The following SEPTIN14 variants were observed in gnomAD, a reference collection of about 807,000 sequenced individuals.
SEPTIN14 encodes septin 14.
Under a neutral mutation model 53.6 loss-of-function variants are expected in SEPTIN14, and 40 were observed. The observed-to-expected ratio is 0.75, with a 90% CI of 0.58 to 0.97. SEPTIN14 has a LOEUF of 0.97. Ranked by LOEUF, SEPTIN14 falls within the 50% of genes least tolerant of loss-of-function variation. The pLI, the probability that SEPTIN14 is intolerant of heterozygous loss-of-function variation, is 0.00. For synonymous variants in SEPTIN14, 138 were observed against 166.8 expected (o/e 0.83, Z 1.33); for missense variants, 471 against 508.2 (o/e 0.93, Z 0.70).
chr7:55,815,594 AG>A (rs34620642), intron 7 of SEPTIN14, among the ~76,000 whole-genome samples: 11,321 of 152,230 alleles, frequency 0.074, 996 homozygotes, highest in African/African-American at 0.21. Context: ...GCAAATGAAA[AG>A]GTGCTCAATA....
intron 7 of SEPTIN14, chr7:55,811,445 A>G: frequency 2.8e-6 from 1 of 351,334 alleles, no homozygotes; most frequent in South Asian, 2.6e-5. Context: ...AGCGATGGAG[A>G]TGGGGAAGGA....
intron 5 of SEPTIN14, 50 bp from the exon 6 acceptor site, chr7:55,834,636 T>A (rs757045322): frequency 9.6e-6 from 13 of 1,356,414 alleles, no homozygotes; most frequent in African/African-American, 1.5e-5. Context: ...ATCTCACAGT[T>A]TTTTTGTTTT....
At chr7:55,815,980 A>C (rs1788783803) in intron 7 of SEPTIN14, among the ~76,000 whole-genome samples, 1 of 152,208 alleles carries the variant, frequency 6.6e-6, no homozygotes, top group African/African-American at 2.4e-5. Context: ...GAATAAAGTA[A>C]ATGTGGTACA....
At chr7:55,818,365 G>A (rs1009613395) in intron 7 of SEPTIN14, among the ~76,000 whole-genome samples, 21 of 149,394 alleles carry the variant, frequency 1.4e-4, no homozygotes, top group Admixed American at 1.0e-3. Context: ...CCAGCTACTC[G>A]GAAGGCTTAG....
At chr7:55,835,251 G>A (rs1443940153) in intron 5 of SEPTIN14, among the ~76,000 whole-genome samples, 2 of 151,546 alleles carry the variant, frequency 1.3e-5, no homozygotes, top group African/African-American at 4.9e-5. Context: ...CCCAGGCTCT[G>A]GAGTGCAGTA....
At chr7:55,852,328 A>T (rs985541824) in intron 2 of SEPTIN14, among the ~76,000 whole-genome samples, 1 of 152,312 alleles carries the variant, frequency 6.6e-6, no homozygotes, top group Admixed American at 6.5e-5. Flanking sequence ...TGGTACTGGC[A>T]TGAAAACAGA....
intron 2 of SEPTIN14, among the ~76,000 whole-genome samples, chr7:55,852,841 GA>G (rs1419952016): frequency 6.6e-6 from 1 of 152,060 alleles, no homozygotes. Context: ...AACTCAATAG[GA>G]AAAAATCTAA....
rs1249346072 is a variant in SEPTIN14 at position 55,819,136 on chromosome 7, C to G, written c.808G>C (p.Val270Leu). 5.7e-6 allele frequency: 9 copies of G among 1,575,016 alleles called. No homozygotes were observed. The highest frequency in any genetic ancestry group is 1.7e-4 in the Middle Eastern group (1 of 6,040). The change falls in exon 7 of 10, where the codon GTT becomes CTT. Residue 270 changes from valine to leucine, a missense_variant. Val to Leu is a conservative substitution (Grantham distance 32). Transcript: ENST00000388975. ...CCTCTGTCATTTTTACCTTGCAAAA[C>G]TCCCCAAGGGTAGTGACGGCCTCTG... ...MVRGRHYPWG[V>L]LQVENENHCD...
At chr7:55,855,853 T>C (rs977477416) in intron 2 of SEPTIN14, among the ~76,000 whole-genome samples, 2 of 152,116 alleles carry the variant, frequency 1.3e-5, no homozygotes, top group African/African-American at 4.8e-5. Flanking sequence ...CGCCCAGGCC[T>C]GTAGCTGCTT....
At chr7:55,843,457 T>C (rs770671174) in intron 4 of SEPTIN14, among the ~76,000 whole-genome samples, 5 of 152,104 alleles carry the variant, frequency 3.3e-5, no homozygotes, top group Non-Finnish European at 5.9e-5. Flanking sequence ...AGGACATGAA[T>C]AGACATTTTT....
intron 6 of SEPTIN14, among the ~76,000 whole-genome samples, chr7:55,829,820 CAAAAAA>C (rs35998043): frequency 0.031 from 1,150 of 37,552 alleles, 14 homozygotes; most frequent in African/African-American, 0.12. Context: ...GACTCCATCT[CAAAAAA>C]AAAAAAAAAA....
chr7:55,814,359 A>G (rs1277807751), intron 7 of SEPTIN14, among the ~76,000 whole-genome samples: 1 of 152,218 alleles, frequency 6.6e-6, no homozygotes, highest in Non-Finnish European at 1.5e-5. Flanking sequence ...GAACCAAATG[A>G]GGCACTAATG....
intron 8 of SEPTIN14, 99 bp downstream of exon 8, chr7:55,806,991 G>A: frequency 1.2e-6 from 1 of 852,236 alleles, no homozygotes; most frequent in South Asian, 2.3e-5. Context: ...GCTCAAGATG[G>A]GAGAAGTATA....
chr7:55,798,712 C>G, intron 9 of SEPTIN14: 1 of 246,534 alleles, frequency 4.1e-6, no homozygotes. Context: ...GGACCGTCAG[C>G]CAGATCCTGG....
At chr7:55,839,843 G>T (rs1789277099) in intron 5 of SEPTIN14, among the ~76,000 whole-genome samples, 1 of 152,154 alleles carries the variant, frequency 6.6e-6, no homozygotes, top group Non-Finnish European at 1.5e-5. Context: ...CTTCAAAGAG[G>T]TGATTAAAAA....
intron 2 of SEPTIN14, among the ~76,000 whole-genome samples, chr7:55,857,450 A>T: frequency 8.8e-6 from 1 of 114,138 alleles, no homozygotes; most frequent in East Asian, 4.1e-4. Flanking sequence ...AAAGGAAAGG[A>T]AGGGAAGGGG....
intron 7 of SEPTIN14, among the ~76,000 whole-genome samples, chr7:55,816,772 T>C (rs1207246746): frequency 6.6e-6 from 1 of 151,954 alleles, no homozygotes; most frequent in Non-Finnish European, 1.5e-5. Context: ...CACTCCAGCC[T>C]GGGCAACAAG....
intron 2 of SEPTIN14, among the ~76,000 whole-genome samples, chr7:55,849,938 G>GA (rs555174306): frequency 9.3e-5 from 14 of 151,184 alleles, no homozygotes; most frequent in South Asian, 2.1e-4. Flanking sequence ...ATTTCATTGG[G>GA]AAAAAAAACA....
intron 9 of SEPTIN14, among the ~76,000 whole-genome samples, chr7:55,801,605 G>T (rs1302153089): frequency 2.6e-5 from 4 of 152,128 alleles, no homozygotes; most frequent in Non-Finnish European, 5.9e-5. Flanking sequence ...CTTTACTGGG[G>T]AAGGCTACAA....
Sources: gnomAD v4.1 joint callset for allele counts (sites outside exome capture counted in the v4.1 genomes callset) on GRCh38, gnomAD v4.1.1 for gene constraint, MANE v1.5 for transcripts, NCBI Gene and HGNC (gene_info 2026-07-23, HGNC 2026-07-21) for gene names.